The following LRIG1 variants were observed in gnomAD, a reference collection of about 807,000 sequenced individuals.
The protein encoded by LRIG1 is leucine-rich repeats and immunoglobulin-like domains protein 1.
LRIG1 carries 48 observed loss-of-function variants against 99.2 expected under a neutral mutation model. That is an observed-to-expected ratio of 0.48 (90% CI 0.38 to 0.62). The LOEUF is 0.62. Ranked by LOEUF, LRIG1 falls within the 20% of genes least tolerant of loss-of-function variation. LRIG1 has a pLI of 0.00. For missense variants in LRIG1, 1,646 were observed against 1,434.4 expected, an observed-to-expected ratio of 1.15 and a Z score of -2.38; for synonymous variants, 772 against 596.1, an observed-to-expected ratio of 1.29 and a Z score of -4.30.
intron 2 of LRIG1, among the ~76,000 whole-genome samples, chr3:66,454,808 T>C (rs1700172993): frequency 6.6e-6 from 1 of 152,198 alleles, no homozygotes; most frequent in Admixed American, 6.5e-5. Context: ...AAAACTTCCA[T>C]TTAATTGACT....
intron 1 of LRIG1, among the ~76,000 whole-genome samples, chr3:66,490,994 T>C (rs1701089151): frequency 6.6e-6 from 1 of 152,236 alleles, no homozygotes; most frequent in African/African-American, 2.4e-5. Context: ...GAAATTAAAC[T>C]ATGGACTTTT....
intron 9 of LRIG1, chr3:66,401,511 G>C: frequency 1.2e-6 from 1 of 804,528 alleles, no homozygotes. Context: ...AGGGCAGGCT[G>C]TTATTTTTAA....
chr3:66,417,509 G>A (rs917788308), intron 3 of LRIG1: 17 of 489,472 alleles, frequency 3.5e-5, no homozygotes, highest in Middle Eastern at 5.6e-4. Context: ...CTCTCCAAGG[G>A]CAACAACACA....
At chr3:66,494,888 A>G (rs1701192869) in intron 1 of LRIG1, among the ~76,000 whole-genome samples, 1 of 152,256 alleles carries the variant, frequency 6.6e-6, no homozygotes, top group Non-Finnish European at 1.5e-5. Flanking sequence ...AGTCCTAGTC[A>G]TAATTGGACA....
chr3:66,390,511 G>C lies in LRIG1; in HGVS notation c.1468+3529C>G, dbSNP rs1701577685. 3.9e-5 allele frequency among the ~76,000 whole-genome samples: 6 copies of C among 152,306 alleles called. 1 individual carries two copies. The South Asian group carries it at 1.2e-3, about 32-fold the overall frequency. On this transcript the variant is annotated intron_variant, in intron 12 of 18. Coordinates refer to ENST00000273261, the MANE Select transcript of LRIG1 (RefSeq NM_015541.3). ...ACAGCCCATCTTCATGGATTGGGAA[G>C]ACTTAATACTGTTAAGATGGCAATA...
chr3:66,414,625 G>GCAGCCTCAGCATTAGC (rs1702567672), intron 5 of LRIG1, among the ~76,000 whole-genome samples: 1 of 152,104 alleles, frequency 6.6e-6, no homozygotes, highest in Non-Finnish European at 1.5e-5. Context: ...CCAAACCCAT[G>GCAGCCTCAGCATTAGC]CAGCCTCAGC....
At chr3:66,442,458 G>T (rs1467398426) in intron 3 of LRIG1, among the ~76,000 whole-genome samples, 1 of 152,078 alleles carries the variant, frequency 6.6e-6, no homozygotes, top group Admixed American at 6.6e-5. Flanking sequence ...GGGAGGAGGA[G>T]GAGGAGGAGG....
rs1700855474 is a variant in LRIG1, at chr3:66,378,896, C to G, written c.*1367G>C. On this transcript the variant is annotated 3_prime_UTR_variant, in exon 19 of 19. Coordinates refer to ENST00000273261, the MANE Select transcript of LRIG1 (RefSeq NM_015541.3). ...TTCAATGTACACTGTACCAAAATTT[C>G]TATAAATAAATAACTTTGTACATAA... is the stretch of plus-strand genomic sequence containing the variant. 1 of 152,608 alleles carries G rather than the reference C, an allele frequency of 6.6e-6. No individual in the cohort carries two copies. The highest frequency in any genetic ancestry group is 2.1e-4 in the South Asian group (1 of 4,832). 9.5% of individuals were successfully genotyped at this position (152,608 alleles called of 1,614,324 possible).
chr3:66,381,108 A>T (rs332372), intron 17 of LRIG1, among the ~76,000 whole-genome samples: 1 of 152,120 alleles, frequency 6.6e-6, no homozygotes, highest in African/African-American at 2.4e-5. Context: ...TTACTGCTTC[A>T]CGGGGGAAAA....
intron 2 of LRIG1, among the ~76,000 whole-genome samples, chr3:66,456,443 C>T (rs1332223825): frequency 6.6e-6 from 1 of 151,972 alleles, no homozygotes; most frequent in Non-Finnish European, 1.5e-5. Flanking sequence ...AGTGGTTGTG[C>T]ACGCCTGTAG....
chr3:66,412,816 C>G (rs1263941470), intron 6 of LRIG1, 55 bp downstream of exon 6: 29 of 1,600,822 alleles, frequency 1.8e-5, no homozygotes, highest in Non-Finnish European at 2.3e-5. Flanking sequence ...CACGCCACAT[C>G]ACACCACACC....
chr3:66,485,112 C>G (rs1248123475), intron 1 of LRIG1, among the ~76,000 whole-genome samples: 1 of 148,938 alleles, frequency 6.7e-6, no homozygotes, highest in African/African-American at 2.5e-5. Flanking sequence ...GAGTCAAGAT[C>G]ACACCACTGT....
chr3:66,384,366 G>C (rs1030805547), intron 13 of LRIG1, 94 bp from the exon 14 acceptor site: 1 of 1,334,522 alleles, frequency 7.5e-7, no homozygotes, highest in Non-Finnish European at 1.1e-6. Context: ...ACTGTGCCCA[G>C]TGCCAGTTCA....
In LRIG1 at chr3:66,410,627, C is replaced by T. The variant is rs143973760; in HGVS notation, c.792-355G>A. Among the ~76,000 whole-genome samples, 24 of 152,264 alleles carry T rather than the reference C, an allele frequency of 1.6e-4. No individual in the cohort carries two copies. The East Asian group carries it at 3.7e-3, about 23-fold the overall frequency. On this transcript the variant is annotated intron_variant, in intron 6 of 18. Transcript: ENST00000273261. Reference sequence around the variant, plus strand: ...CCGAAGAAGGAGGATCGCTTGAGCTCGGGAGTTCGAGACCAGCAAGGGCAA... The same window carrying T: ...CCGAAGAAGGAGGATCGCTTGAGCTTGGGAGTTCGAGACCAGCAAGGGCAA...
intron 1 of LRIG1, among the ~76,000 whole-genome samples, chr3:66,481,069 A>C (rs896499140): frequency 1.3e-5 from 2 of 152,110 alleles, no homozygotes; most frequent in Non-Finnish European, 2.9e-5. Flanking sequence ...AACAGATAGA[A>C]ATGGCCAACG....
chr3:66,384,305 G>C (rs376106916), intron 13 of LRIG1, 33 bp from the exon 14 acceptor site: 1 of 1,587,584 alleles, frequency 6.3e-7, no homozygotes, highest in Admixed American at 1.7e-5. Context: ...GTCGGGTTAC[G>C]GGACAGCTAG....
At position 66,500,395 on chromosome 3, in the gene LRIG1, C is replaced by A; in HGVS notation, c.13G>T (p.Val5Phe). ...CGCGGGGCCCCGAGCCCTCCCCGGA[C>A]CGGCCGCGCCATCTTGTCTGGAGCG... Reference protein sequence around the residue: MARPVRGGLGAPRRS... With the variant: MARPFRGGLGAPRRS... The change falls in exon 1 of 19, where the codon GTC becomes TTC. Residue 5 changes from valine (V) to phenylalanine (F), a missense_variant. Transcript: ENST00000273261. The A allele has an allele frequency of 2.1e-6, 3 of 1,424,944 alleles. No individual in the cohort carries two copies. The highest frequency in any genetic ancestry group is 2.7e-6 in the Non-Finnish European group (3 of 1,097,390). The allele number at this position is 1,424,944 out of a possible 1,614,324, so 88.3% of individuals were successfully genotyped here.
At chr3:66,387,824 G>T (rs1343805149) in intron 12 of LRIG1, 1 of 151,912 alleles carries the variant, frequency 6.6e-6, no homozygotes, top group Non-Finnish European at 1.5e-5. Flanking sequence ...GTGGCCAGGT[G>T]GGGTGGCTCA....
intron 12 of LRIG1, among the ~76,000 whole-genome samples, chr3:66,388,974 G>A (rs976320901): frequency 6.6e-6 from 1 of 152,090 alleles, no homozygotes; most frequent in Non-Finnish European, 1.5e-5. Flanking sequence ...CACAGGATAC[G>A]TGTATTTTTG....
Sources: allele counts gnomAD v4.1 joint callset (sites outside exome capture counted in the v4.1 genomes callset), GRCh38; gene constraint gnomAD v4.1.1; transcripts MANE v1.5; gene names NCBI Gene and HGNC (gene_info 2026-07-23, HGNC 2026-07-21).